The following PHYHD1 variants were observed in gnomAD, a reference collection of about 807,000 sequenced individuals.
The protein encoded by PHYHD1 is phytanoyl-CoA dioxygenase domain-containing protein 1.
PHYHD1 carries 42 observed loss-of-function variants against 43.6 expected under a neutral mutation model. That is an observed-to-expected ratio of 0.96 (90% confidence interval 0.75 to 1.25). The LOEUF (loss-of-function observed/expected upper bound fraction) is 1.25, where lower values mean the gene tolerates loss of function less well. Among genes scored for constraint, PHYHD1 ranks in the 50% most tolerant of loss-of-function variants. The pLI, the probability that PHYHD1 is intolerant of heterozygous loss-of-function variation, is 0.00. For missense variants in PHYHD1, 342 were observed against 370.8 expected, an observed-to-expected ratio of 0.92 and a Z score of 0.64; for synonymous variants, 139 against 143.6, an observed-to-expected ratio of 0.97 and a Z score of 0.23.
At chr9:128,922,672 G>A (rs993677934) in intron 3 of PHYHD1, among the ~76,000 whole-genome samples, 2 of 152,228 alleles carry the variant, frequency 1.3e-5, no homozygotes, top group African/African-American at 4.8e-5. Context: ...CGCCCAGGAG[G>A]GGGCGGGGCC....
At chr9:128,930,969 A>T (rs909000856) in intron 4 of PHYHD1, among the ~76,000 whole-genome samples, 1 of 149,940 alleles carries the variant, frequency 6.7e-6, no homozygotes, top group African/African-American at 2.4e-5. Context: ...AAAAAAAGGC[A>T]CCTCAATTTC....
At chr9:128,934,183 T>G in intron 6 of PHYHD1, 125 bp downstream of exon 6, 2 of 1,024,478 alleles carry the variant, frequency 2.0e-6, no homozygotes, top group South Asian at 3.0e-5. Flanking sequence ...AAGTCAGGAG[T>G]TCAAGACCAG....
intron 3 of PHYHD1, among the ~76,000 whole-genome samples, chr9:128,923,186 C>G (rs936098770): frequency 1.3e-5 from 2 of 152,196 alleles, no homozygotes; most frequent in African/African-American, 2.4e-5. Context: ...TCAAGTGATC[C>G]GCCTGCCTTG....
At chr9:128,923,883 C>T (rs1408110261) in intron 3 of PHYHD1, among the ~76,000 whole-genome samples, 1 of 152,120 alleles carries the variant, frequency 6.6e-6, no homozygotes, top group African/African-American at 2.4e-5. Flanking sequence ...TTTGGGAGGC[C>T]AAGGCAGGCG....
chr9:128,930,645 AAAAC>A (rs1473454393), intron 4 of PHYHD1, among the ~76,000 whole-genome samples: 4 of 151,476 alleles, frequency 2.6e-5, no homozygotes, highest in Non-Finnish European at 5.9e-5. Context: ...AAAAAAGAAA[AAAAC>A]AAACAAAAAA....
At chr9:128,930,702 C>A (rs192962763) in intron 4 of PHYHD1, among the ~76,000 whole-genome samples, 278 of 152,076 alleles carry the variant, frequency 1.8e-3, no homozygotes, top group African/African-American at 6.5e-3. Context: ...GTAACCCCAG[C>A]ACTTTGGGAG....
chr9:128,929,722 G>A (rs552721486), intron 4 of PHYHD1, among the ~76,000 whole-genome samples: 1 of 152,058 alleles, frequency 6.6e-6, no homozygotes, highest in Non-Finnish European at 1.5e-5. Context: ...ATACGTGTGT[G>A]TGTAATTCTT....
intron 8 of PHYHD1, among the ~76,000 whole-genome samples, chr9:128,937,050 G>A (rs1170727763): frequency 6.6e-6 from 1 of 152,098 alleles, no homozygotes; most frequent in African/African-American, 2.4e-5. Flanking sequence ...AGGAGGTGGA[G>A]GTTACAGTGA....
At chr9:128,928,195 T>G (rs1460376510) in intron 4 of PHYHD1, among the ~76,000 whole-genome samples, 5 of 152,190 alleles carry the variant, frequency 3.3e-5, no homozygotes, top group Non-Finnish European at 5.9e-5. Context: ...AAAGAACCAG[T>G]TAAGGAATGA....
chr9:128,941,863 G>A lies in PHYHD1; in HGVS notation c.*150G>A, dbSNP rs1464244654. 9.6e-7 allele frequency: 1 copy of A among 1,044,850 alleles called. No individual in the cohort carries two copies. The highest frequency in any genetic ancestry group is 1.6e-5 in the African/African-American group (1 of 62,500). 64.7% of individuals were successfully genotyped at this position (1,044,850 alleles called of 1,614,324 possible). On this transcript the variant is annotated 3_prime_UTR_variant, in exon 13 of 13. Transcript: ENST00000372592. ...TGCCCTGTGGGCAGCAGCCTAGGCT[G>A]GGTCAGGGGCTTCCCTAAGATCTTC...
At chr9:128,932,274 G>A (rs1379118066) in intron 4 of PHYHD1, among the ~76,000 whole-genome samples, 2 of 151,058 alleles carry the variant, frequency 1.3e-5, no homozygotes, top group Non-Finnish European at 2.9e-5. Context: ...TGCCTCCTGG[G>A]TTCAAGCGAT....
Position 128,936,490 on chromosome 9 carries a change from C to G in PHYHD1, c.359C>G (p.Ser120Cys). ...HDPVFKSITH[S>C]FKVQTLARSL... The stretch of plus-strand genomic sequence containing the variant: ...CCCGTCTTCAAGAGCATCACACACT[C>G]CTTCAAGGTGCAGGTGAGCAGAGGT... The change falls in exon 7 of 13, where the codon TCC (serine) becomes TGC (cysteine). Residue 120 changes from serine to cysteine, a missense_variant. Ser to Cys is a moderately radical substitution (Grantham distance 112). Transcript: ENST00000372592. 2 of 1,613,846 alleles carry G rather than the reference C, an allele frequency of 1.2e-6. No homozygotes were observed. Among genetic ancestry groups the G allele is most frequent in the Non-Finnish European group, 1.7e-6 (2 of 1,179,942 alleles).
In PHYHD1 at chr9:128,941,821, C is replaced by A. The variant is rs554660850; in HGVS notation, c.*108C>A. 72 of 1,477,760 alleles carry A rather than the reference C, an allele frequency of 4.9e-5. No homozygotes were observed. In the African/African-American group the frequency reaches 9.3e-4, roughly 19 times the overall value. The allele number at this position is 1,477,760 out of a possible 1,614,324, so 91.5% of individuals were successfully genotyped here. On this transcript the variant is annotated 3_prime_UTR_variant, in exon 13 of 13. Transcript: ENST00000372592. ...TTGCAACAGGGAGGTCTTGTCTCCCCTCCTGGGCTTTCCTCCTGCCCTGTG... is the reference window on the plus strand; with the variant it reads ...TTGCAACAGGGAGGTCTTGTCTCCCATCCTGGGCTTTCCTCCTGCCCTGTG...
chr9:128,939,661 A>ATTTTTTTT (rs533393185), intron 9 of PHYHD1, among the ~76,000 whole-genome samples: 1 of 113,516 alleles, frequency 8.8e-6, no homozygotes, highest in African/African-American at 3.0e-5. Flanking sequence ...CAACTTCCCA[A>ATTTTTTTT]TTTTTTTTTT....
In PHYHD1 at chr9:128,934,029, C is replaced by T. The variant is rs746051581; in HGVS notation, c.287C>T (p.Pro96Leu). 35 of 1,613,674 alleles carry T rather than the reference C, an allele frequency of 2.2e-5. No individual in the cohort carries two copies. The highest frequency in any genetic ancestry group is 6.6e-5 in the South Asian group (6 of 91,064). ...GCCACAGGAAATTTCCTGGTCCCTCCGGAGAAATCCATCAACAAAATTGGC... is the reference window on the plus strand; with the variant it reads ...GCCACAGGAAATTTCCTGGTCCCTCTGGAGAAATCCATCAACAAAATTGGC... ...FDEKGNFLVP[P>L]EKSINKIGHA... Residue 96 changes from proline to leucine, a missense_variant, in exon 6 of 13, where the codon CCG becomes CTG. Physicochemically the swap from Pro to Leu is moderately conservative, Grantham distance 98. Transcript: ENST00000372592.
Position 128,940,639 on chromosome 9 carries a change from A to G in PHYHD1, c.627A>G (p.Ser209=). 6.2e-7 allele frequency: 1 copy of G among 1,614,190 alleles called. No homozygotes were observed. Among genetic ancestry groups the G allele is most frequent in the Non-Finnish European group, 8.5e-7 (1 of 1,180,038 alleles). Reference sequence around the variant, plus strand: ...GGATGGTCCGGGCCCCTGTTGGCTCAGCGCCTGGTACCAGCTTCCTTGGGT... The same window carrying G: ...GGATGGTCCGGGCCCCTGTTGGCTCGGCGCCTGGTACCAGCTTCCTTGGGT... ...SRRMVRAPVG[S]APGTSFLGSE... is the part of the protein sequence containing the mutation. The change falls in exon 11 of 13, where the codon TCA becomes TCG. Residue 209 remains serine (S), a synonymous_variant. Coordinates refer to ENST00000372592, the MANE Select transcript of PHYHD1 (RefSeq NM_001100876.2).
Position 128,941,818 on chromosome 9 carries a change from C to T in PHYHD1, c.*105C>T, listed in dbSNP as rs1341705630. ...TGGTTGCAACAGGGAGGTCTTGTCT[C>T]CCCTCCTGGGCTTTCCTCCTGCCCT... On this transcript the variant is annotated 3_prime_UTR_variant, in exon 13 of 13. Transcript: ENST00000372592. 3.7e-5 allele frequency: 56 copies of T among 1,509,694 alleles called. No individual in the cohort carries two copies. Among genetic ancestry groups the T allele is most frequent in the Non-Finnish European group, 5.0e-5 (55 of 1,094,436 alleles). The allele number at this position is 1,509,694 out of a possible 1,614,324, so 93.5% of individuals were successfully genotyped here.
intron 3 of PHYHD1, among the ~76,000 whole-genome samples, chr9:128,922,650 TG>T (rs886702930): frequency 6.6e-6 from 1 of 152,156 alleles, no homozygotes; most frequent in South Asian, 2.1e-4. Context: ...GCAACGCTGT[TG>T]GGGGGCGCAG....
intron 4 of PHYHD1, among the ~76,000 whole-genome samples, chr9:128,932,154 ATTATTATTATTATTG>A (rs1270926740): frequency 8.2e-4 from 90 of 109,494 alleles, no homozygotes; most frequent in African/African-American, 1.9e-3. Flanking sequence ...CAGTTCTATT[ATTATTATTATTATTG>A]TTATTATTAT....
Sources: gnomAD v4.1 joint callset for allele counts (sites outside exome capture counted in the v4.1 genomes callset) on GRCh38, gnomAD v4.1.1 for gene constraint, MANE v1.5 for transcripts, NCBI Gene and HGNC (gene_info 2026-07-23, HGNC 2026-07-21) for gene names.